Variants in ATPAF1 observed in about 807,000 individuals in gnomAD.
The protein encoded by ATPAF1 is ATP synthase mitochondrial F1 complex assembly factor 1.
In ATPAF1, 26 loss-of-function variants were observed where a neutral mutation model predicts 43.9. That is an observed-to-expected ratio of 0.59 (90% CI 0.43 to 0.82). The LOEUF (loss-of-function observed/expected upper bound fraction) is 0.82, where lower values mean the gene tolerates loss of function less well. Ranked by LOEUF, ATPAF1 falls within the 40% of genes least tolerant of loss-of-function variation. The pLI is 0.00. For missense variants in ATPAF1, 366 were observed against 435.0 expected (o/e 0.84, Z 1.41); for synonymous variants, 157 against 168.0 (o/e 0.93, Z 0.50).
chr1:46,634,155 A>G, downstream of ATPAF1: 2 of 289,924 alleles, frequency 6.9e-6, no homozygotes, highest in South Asian at 6.6e-5. Flanking sequence ...TGTCCACCCT[A>G]TTTAAAGAGC....
At chr1:46,666,571 T>C (rs732539) in intron 1 of ATPAF1, among the ~76,000 whole-genome samples, 39,952 of 152,156 alleles carry the variant, frequency 0.26, 5,545 homozygotes, top group East Asian at 0.38. Flanking sequence ...ACAACAGGTA[T>C]TATGATGAAA....
rs572966444 is a variant in ATPAF1, at chr1:46,668,206, C to T, written c.117G>A (p.Val39=). ...GGAAGACGCGCAGCTGCGCGGGTGACACGAGCCCCAGGCCCAGGGCGCGGC... is the reference window on the plus strand; with the variant it reads ...GGAAGACGCGCAGCTGCGCGGGTGATACGAGCCCCAGGCCCAGGGCGCGGC... Residue 39 remains valine, a synonymous_variant, in exon 1 of 9, where the codon GTG becomes GTA. Transcript: ENST00000574428. The surrounding 1 kb of genome is among the most constrained non-coding windows in gnomAD (Gnocchi z 4.4). The T allele has an allele frequency of 3.1e-4, 429 of 1,385,858 alleles. 3 individuals are homozygous for T. In the South Asian group the frequency reaches 6.5e-3, roughly 21 times the overall value. 85.8% of individuals were successfully genotyped at this position (1,385,858 alleles called of 1,614,324 possible). A position where few individuals can be genotyped will look rare whatever the true frequency, so the allele number is the denominator to read the frequency against.
In ATPAF1 at chr1:46,648,383, G is replaced by T. The variant is rs539949958; in HGVS notation, c.589-3127C>A. ...CACCTTGGCCTCCCAAAGTGCTGGG[G>T]TTACATGCGTGAGCCACCACACCCA... On this transcript the variant is annotated intron_variant, in intron 6 of 8. Coordinates refer to ENST00000574428, the Ensembl canonical transcript of ATPAF1. 1.3e-4 allele frequency among the ~76,000 whole-genome samples: 20 copies of T among 152,080 alleles called. 1 individual carries two copies. The highest frequency in any genetic ancestry group is 6.8e-3 in the Middle Eastern group (2 of 294).
intron 6 of ATPAF1, among the ~76,000 whole-genome samples, chr1:46,646,274 C>T (rs2148817888): frequency 6.6e-6 from 1 of 152,284 alleles, no homozygotes; most frequent in East Asian, 1.9e-4. Context: ...ATATCTATAA[C>T]TCTGAATTCA....
exon 9 of ATPAF1, chr1:46,635,841 C>T (rs764087902): frequency 1.6e-5 from 26 of 1,614,060 alleles, no homozygotes; most frequent in African/African-American, 1.2e-4. Context: ...TCCAATTCAG[C>T]GATGACAGAC....
chr1:46,635,692 T>G, exon 9 of ATPAF1: 7 of 1,350,178 alleles, frequency 5.2e-6, no homozygotes, highest in African/African-American at 1.5e-5. Flanking sequence ...TTATAAATGC[T>G]GAGCTCTTGA....
chr1:46,633,932 T>C (rs559896106), downstream of ATPAF1: 14 of 437,244 alleles, frequency 3.2e-5, no homozygotes, highest in South Asian at 2.3e-4. Flanking sequence ...AGGCATTTAA[T>C]GAAAATGGCA....
At chr1:46,657,036 GCA>G (rs1437286995) in intron 4 of ATPAF1, among the ~76,000 whole-genome samples, 2 of 152,164 alleles carry the variant, frequency 1.3e-5, no homozygotes, top group African/African-American at 4.8e-5. Context: ...GGAATATGAT[GCA>G]GAGTCAAATA....
chr1:46,636,498 C>T (rs1166996060), intron 8 of ATPAF1, among the ~76,000 whole-genome samples: 2 of 152,166 alleles, frequency 1.3e-5, no homozygotes, highest in Non-Finnish European at 2.9e-5. Context: ...AAAGTACTCC[C>T]AGAGCCAGCT....
intron 1 of ATPAF1, 33 bp from the exon 2 acceptor site, chr1:46,665,397 T>A: frequency 6.3e-7 from 1 of 1,591,072 alleles, no homozygotes. Context: ...GTAAACCAAC[T>A]GGGCCTTTTT....
At chr1:46,651,983 TACCA>T (rs1676177753) in intron 6 of ATPAF1, among the ~76,000 whole-genome samples, 4 of 152,110 alleles carry the variant, frequency 2.6e-5, no homozygotes, top group African/African-American at 9.7e-5. Context: ...CACAATGAGA[TACCA>T]TCTCACACCA....
intron 8 of ATPAF1, among the ~76,000 whole-genome samples, chr1:46,639,762 A>C (rs779188750): frequency 5.3e-5 from 8 of 152,216 alleles, no homozygotes; most frequent in Non-Finnish European, 1.0e-4. Context: ...CTAGTTCTAC[A>C]CTACATCGGA....
chr1:46,661,407 A>G (rs562506219), intron 2 of ATPAF1, among the ~76,000 whole-genome samples: 141 of 152,088 alleles, frequency 9.3e-4, no homozygotes, highest in Middle Eastern at 3.4e-3. Context: ...TCAACATAAC[A>G]CCCATTTGCC....
Position 46,668,333 on chromosome 1 carries a change from G to T in ATPAF1, c.-11C>A. On this transcript the variant is annotated 5_prime_UTR_variant, in exon 1 of 9. Coordinates refer to ENST00000574428, the Ensembl canonical transcript of ATPAF1. This position sits in a 1 kb window ranked among gnomAD's most constrained non-coding sequence, Gnocchi z 4.4. ...CACCACAGCAGCCATGGCCGCCCCCGCCTCCTCCTCCTCCTCAGGCGCGTC... is the reference window on the plus strand; with the variant it reads ...CACCACAGCAGCCATGGCCGCCCCCTCCTCCTCCTCCTCCTCAGGCGCGTC... 1 of 1,353,976 alleles carries T rather than the reference G, an allele frequency of 7.4e-7. No individual in the cohort carries two copies. The highest frequency in any genetic ancestry group is 9.5e-7 in the Non-Finnish European group (1 of 1,048,768). The allele number at this position is 1,353,976 out of a possible 1,614,324, so 83.9% of individuals were successfully genotyped here. A position where few individuals can be genotyped will look rare whatever the true frequency, so the allele number is the denominator to read the frequency against.
intron 1 of ATPAF1, among the ~76,000 whole-genome samples, 160 bp downstream of exon 1, chr1:46,667,897 T>C (rs751112484): frequency 6.6e-6 from 1 of 152,196 alleles, no homozygotes; most frequent in African/African-American, 2.4e-5. Context: ...ATTAGCTGTG[T>C]GATCTTGGGC....
rs779913693 is a variant in ATPAF1 at position 46,645,259 on chromosome 1, G to C, written c.589-3C>G. 7.5e-6 allele frequency: 12 copies of C among 1,602,246 alleles called. No individual in the cohort carries two copies. ...CTTCTTGGCAGAGCACATAGAAACT[G>C]TGAAAAACAGATATACAAGGAGACA... On this transcript the variant is annotated splice_polypyrimidine_tract_variant and splice_region_variant and intron_variant, in intron 6 of 8. Transcript: ENST00000574428.
chr1:46,656,832 T>C (rs1177403851), intron 4 of ATPAF1, among the ~76,000 whole-genome samples: 3 of 152,220 alleles, frequency 2.0e-5, no homozygotes, highest in African/African-American at 7.2e-5. Context: ...TATGCCTCTA[T>C]TAATAGAAAG....
chr1:46,641,324 C>T (rs1304801914), intron 8 of ATPAF1, among the ~76,000 whole-genome samples: 4 of 151,818 alleles, frequency 2.6e-5, no homozygotes, highest in Non-Finnish European at 5.9e-5. Context: ...AGCAATCCAC[C>T]CACCTTGTCC....
exon 9 of ATPAF1, chr1:46,635,601 GTTCCTGAAT>G: frequency 1.7e-6 from 1 of 598,300 alleles, no homozygotes; most frequent in Non-Finnish European, 2.9e-6. Flanking sequence ...AGGTACCTTT[GTTCCTGAAT>G]ATCAAGTAAT....
Sources: allele counts gnomAD v4.1 joint callset (sites outside exome capture counted in the v4.1 genomes callset), GRCh38; gene constraint gnomAD v4.1.1; non-coding constraint Gnocchi (gnomAD v3.1); transcripts MANE v1.5; gene names NCBI Gene and HGNC (gene_info 2026-07-23, HGNC 2026-07-21).